The following MLLT3 variants were observed in gnomAD, a reference collection of about 807,000 sequenced individuals.
MLLT3 encodes MLLT3 super elongation complex subunit, also known as protein AF-9.
MLLT3 carries 4 observed loss-of-function variants against 53.2 expected under a neutral mutation model. That is an observed-to-expected ratio of 0.08 (90% CI 0.04 to 0.17). MLLT3 has a LOEUF of 0.17. Among genes scored for constraint, MLLT3 ranks in the 10% least tolerant of loss-of-function variants. The probability of loss-of-function intolerance (pLI) is 1.00; values close to 1 mark genes in which losing one functional copy is unlikely to be tolerated. For missense variants in MLLT3, 569 were observed against 684.0 expected (o/e 0.83, Z 1.87); for synonymous variants, 283 against 230.6 (o/e 1.23, Z -2.06).
At chr9:20,526,065 G>GA (rs1244968360) in intron 2 of MLLT3, among the ~76,000 whole-genome samples, 1 of 152,010 alleles carries the variant, frequency 6.6e-6, no homozygotes, top group Non-Finnish European at 1.5e-5. Context: ...ACATTTCATG[G>GA]AAAAAAATTC....
rs142050902 is a variant in MLLT3, at chr9:20,584,518, T to C, written c.193+36136A>G. On this transcript the variant is annotated intron_variant, in intron 2 of 10. Coordinates refer to ENST00000380338, the MANE Select transcript of MLLT3 (RefSeq NM_004529.4). ...TGCTGGGAAGAAAAAAGAGGTTTAA[T>C]TGGACTTACAGTTCCACGTGGCTGG... is the stretch of plus-strand genomic sequence containing the variant. Among the ~76,000 whole-genome samples the C allele has an allele frequency of 2.8e-3, 420 of 152,316 alleles. 7 individuals are homozygous for C. In the South Asian group the frequency reaches 0.036, roughly 13 times the overall value.
At chr9:20,368,690 A>C (rs1010133931) in intron 5 of MLLT3, among the ~76,000 whole-genome samples, 4 of 152,200 alleles carry the variant, frequency 2.6e-5, no homozygotes, top group African/African-American at 9.6e-5. Context: ...ATCACCAAAA[A>C]ACCCACAAAT....
intron 2 of MLLT3, among the ~76,000 whole-genome samples, chr9:20,556,058 G>C (rs1461699513): frequency 6.6e-6 from 1 of 151,404 alleles, no homozygotes; most frequent in Non-Finnish European, 1.5e-5. Flanking sequence ...AAAAGAAAAA[G>C]GGAAAATAAA....
In MLLT3 at chr9:20,342,027, G is replaced by C. The variant is rs1211824108; in HGVS notation, c.*4416C>G. ...GGCATGGACTCTCTGCCTTCAGCTG[G>C]TTTTGGACACATTGTCCTCTCTCTG... On this transcript the variant is annotated 3_prime_UTR_variant, in exon 11 of 11. Coordinates refer to ENST00000380338, the MANE Select transcript of MLLT3 (RefSeq NM_004529.4). The C allele has an allele frequency of 1.9e-5, 4 of 205,576 alleles. No individual in the cohort carries two copies. The East Asian group carries it at 2.2e-4, about 11-fold the overall frequency. 12.7% of individuals were successfully genotyped at this position (205,576 alleles called of 1,614,324 possible).
At chr9:20,555,879 C>A (rs1231994238) in intron 2 of MLLT3, among the ~76,000 whole-genome samples, 1 of 152,226 alleles carries the variant, frequency 6.6e-6, no homozygotes, top group African/African-American at 2.4e-5. Flanking sequence ...ACAGGAGCAT[C>A]CATTCTTTAA....
At chr9:20,591,293 G>C (rs1820123387) in intron 2 of MLLT3, among the ~76,000 whole-genome samples, 1 of 152,040 alleles carries the variant, frequency 6.6e-6, no homozygotes, top group Non-Finnish European at 1.5e-5. Flanking sequence ...TGGGCACTGG[G>C]GGTGCATTTA....
intron 5 of MLLT3, among the ~76,000 whole-genome samples, chr9:20,367,567 G>A (rs752909794): frequency 6.6e-6 from 1 of 152,140 alleles, no homozygotes; most frequent in Non-Finnish European, 1.5e-5. Context: ...GGACCTAAGT[G>A]TGCAAATATA....
chr9:20,565,994 ATTTATT>A (rs1302968798), intron 2 of MLLT3, among the ~76,000 whole-genome samples: 2 of 127,844 alleles, frequency 1.6e-5, no homozygotes, highest in African/African-American at 6.1e-5. Context: ...TTATTTATAT[ATTTATT>A]TATATATATA....
At chr9:20,606,594 C>T (rs369865338) in intron 2 of MLLT3, among the ~76,000 whole-genome samples, 7 of 152,202 alleles carry the variant, frequency 4.6e-5, no homozygotes, top group African/African-American at 1.7e-4. Context: ...GAGAAGATGG[C>T]TAGGGAGTGT....
intron 6 of MLLT3, among the ~76,000 whole-genome samples, 193 bp downstream of exon 6, chr9:20,365,476 T>C (rs1305012625): frequency 6.6e-6 from 1 of 152,226 alleles, no homozygotes; most frequent in Non-Finnish European, 1.5e-5. Flanking sequence ...CAGCTGGGAC[T>C]ACAGGCGCAT....
chr9:20,612,310 GAC>G (rs1371332449), intron 2 of MLLT3, among the ~76,000 whole-genome samples: 1 of 152,112 alleles, frequency 6.6e-6, no homozygotes, highest in Non-Finnish European at 1.5e-5. Flanking sequence ...GCTCTAAAAA[GAC>G]ACAGCACACT....
At chr9:20,352,615 C>T (rs1415493980) in intron 10 of MLLT3, among the ~76,000 whole-genome samples, 1 of 151,430 alleles carries the variant, frequency 6.6e-6, no homozygotes, top group Non-Finnish European at 1.5e-5. Flanking sequence ...GCTTATCAGG[C>T]CAGTCAGGAA....
intron 2 of MLLT3, among the ~76,000 whole-genome samples, chr9:20,598,783 G>C (rs962358542): frequency 1.3e-5 from 2 of 152,188 alleles, no homozygotes; most frequent in Non-Finnish European, 2.9e-5. Flanking sequence ...TCACTCAAAA[G>C]CTGTCCAGAA....
intron 5 of MLLT3, among the ~76,000 whole-genome samples, chr9:20,367,007 T>C (rs1257182866): frequency 1.3e-5 from 2 of 152,244 alleles, no homozygotes; most frequent in African/African-American, 4.8e-5. Flanking sequence ...GACCCAACCC[T>C]AACCCTTTTC....
At chr9:20,501,578 C>T (rs1445962348) in intron 2 of MLLT3, among the ~76,000 whole-genome samples, 2 of 151,246 alleles carry the variant, frequency 1.3e-5, no homozygotes, top group African/African-American at 2.4e-5. Flanking sequence ...GGTGAAACCC[C>T]GTCTCTACTA....
chr9:20,501,798 A>ACTT (rs1197905845), intron 2 of MLLT3, among the ~76,000 whole-genome samples: 1 of 147,192 alleles, frequency 6.8e-6, no homozygotes, highest in East Asian at 2.0e-4. Flanking sequence ...CGCACCCAAG[A>ACTT]GGTCAGGCGA....
At chr9:20,462,999 T>C (rs1204744875) in intron 2 of MLLT3, among the ~76,000 whole-genome samples, 1 of 151,868 alleles carries the variant, frequency 6.6e-6, no homozygotes, top group African/African-American at 2.4e-5. Context: ...CAACAGACAA[T>C]ACAAATAAAG....
chr9:20,590,521 G>A (rs558030931), intron 2 of MLLT3, among the ~76,000 whole-genome samples: 20 of 152,134 alleles, frequency 1.3e-4, no homozygotes, highest in African/African-American at 3.4e-4. Context: ...TCATTCTCTC[G>A]TGTTCATTGT....
At chr9:20,349,108 G>A (rs1187677752) in intron 10 of MLLT3, among the ~76,000 whole-genome samples, 1 of 152,184 alleles carries the variant, frequency 6.6e-6, no homozygotes, top group East Asian at 1.9e-4. Context: ...TCAGCGAGCT[G>A]CCCAGTAGGT....
Sources: allele counts gnomAD v4.1 joint callset (sites outside exome capture counted in the v4.1 genomes callset), GRCh38; gene constraint gnomAD v4.1.1; transcripts MANE v1.5; gene names NCBI Gene and HGNC (gene_info 2026-07-23, HGNC 2026-07-21).